POLK: variants seen among roughly 807,000 people sequenced by gnomAD.
POLK encodes DNA polymerase kappa.
In POLK, 76 loss-of-function variants were observed where a neutral mutation model predicts 94.0. The ratio of observed to expected loss-of-function variants is 0.81; its 90% confidence interval spans 0.67 to 0.98. The LOEUF (loss-of-function observed/expected upper bound fraction) is 0.98, where lower values mean the gene tolerates loss of function less well. Among genes scored for constraint, POLK ranks in the 50% least tolerant of loss-of-function variants. The pLI is 0.00. For synonymous variants in POLK, 349 were observed against 325.4 expected, an observed-to-expected ratio of 1.07 and a Z score of -0.78; for missense variants, 954 against 1,010.1, an observed-to-expected ratio of 0.94 and a Z score of 0.75.
the POLK span, among the ~76,000 whole-genome samples, chr5:75,607,905 T>C: frequency 1.3e-5 from 2 of 152,118 alleles, no homozygotes; most frequent in East Asian, 3.9e-4. Context: ...TAGATGAATA[T>C]ACAAAGTGGG....
intron 1 of POLK, among the ~76,000 whole-genome samples, chr5:75,514,214 G>A (rs1768217112): frequency 6.6e-6 from 1 of 152,060 alleles, no homozygotes; most frequent in South Asian, 2.1e-4. Context: ...TAGATTCATT[G>A]TTTTCTAGCA....
intron 3 of POLK, among the ~76,000 whole-genome samples, chr5:75,555,965 A>G (rs1163041038): frequency 6.6e-6 from 1 of 152,220 alleles, no homozygotes; most frequent in African/African-American, 2.4e-5. Flanking sequence ...GCTGCTGTAA[A>G]TATCCATGGC....
chr5:75,527,678 A>C (rs72633972), intron 1 of POLK, among the ~76,000 whole-genome samples: 18,951 of 151,994 alleles, frequency 0.12, 1,298 homozygotes, highest in East Asian at 0.23. Context: ...TTTTGCTTTC[A>C]CTTAAATTTT....
intron 1 of POLK, among the ~76,000 whole-genome samples, chr5:75,513,547 G>GTAGGCCACCCTTT (rs1768174789): frequency 6.6e-6 from 1 of 152,180 alleles, no homozygotes; most frequent in African/African-American, 2.4e-5. Context: ...CAAAGGGTGT[G>GTAGGCCACCCTTT]TAGGCCACCC....
intron 3 of POLK, among the ~76,000 whole-genome samples, chr5:75,565,375 A>T (rs967628279): frequency 2.0e-5 from 3 of 152,174 alleles, no homozygotes; most frequent in Admixed American, 2.0e-4. Context: ...TCTGAAGCCT[A>T]CTTCTGTCAA....
chr5:75,511,670 C>T, upstream of POLK: 1 of 1,522,630 alleles, frequency 6.6e-7, no homozygotes, highest in Non-Finnish European at 8.8e-7. Context: ...CTTCGTCCTC[C>T]CATTCTCCCC....
intron 1 of POLK, among the ~76,000 whole-genome samples, chr5:75,518,996 C>T (rs962482516): frequency 3.9e-5 from 6 of 152,120 alleles, no homozygotes; most frequent in Admixed American, 6.5e-5. Context: ...AGGCATAACA[C>T]CACCAAGCCC....
At chr5:75,570,770 T>A (rs1186310540) in intron 4 of POLK, among the ~76,000 whole-genome samples, 1 of 152,188 alleles carries the variant, frequency 6.6e-6, no homozygotes, top group African/African-American at 2.4e-5. Context: ...AGAAGAGTTC[T>A]TCCCTGTTCC....
At chr5:75,539,291 C>A in intron 1 of POLK, among the ~76,000 whole-genome samples, 1 of 151,002 alleles carries the variant, frequency 6.6e-6, no homozygotes, top group African/African-American at 2.4e-5. Context: ...AGTCCCGAAG[C>A]AGTATTTTTG....
At chr5:75,569,228 G>A (rs1295746531) in intron 3 of POLK, 112 bp from the exon 4 acceptor site, 5 of 675,336 alleles carry the variant, frequency 7.4e-6, no homozygotes, top group Non-Finnish European at 1.2e-5. Flanking sequence ...TGGATGAATG[G>A]GTGTGTGGAC....
At chr5:75,584,524 C>T (rs540730570) in intron 8 of POLK, among the ~76,000 whole-genome samples, 9 of 152,002 alleles carry the variant, frequency 5.9e-5, no homozygotes, top group African/African-American at 1.2e-4. Context: ...CAAAATTAGC[C>T]GGGTATGGTG....
intron 1 of POLK, among the ~76,000 whole-genome samples, chr5:75,519,940 G>A (rs536186020): frequency 7.2e-5 from 11 of 152,172 alleles, no homozygotes; most frequent in Admixed American, 2.0e-4. Context: ...TGGTTGTTTT[G>A]TACTCCTCTC....
chr5:75,585,031 C>T, intron 9 of POLK, 105 bp downstream of exon 9: 1 of 743,302 alleles, frequency 1.3e-6, no homozygotes, highest in African/African-American at 1.8e-5. Context: ...AAAATTCTTT[C>T]AGGCTAGTTT....
intron 8 of POLK, among the ~76,000 whole-genome samples, chr5:75,583,840 G>A (rs1338162980): frequency 6.6e-6 from 1 of 151,944 alleles, no homozygotes; most frequent in Non-Finnish European, 1.5e-5. Flanking sequence ...TTTTAAAATG[G>A]TAAAATTATC....
intron 1 of POLK, among the ~76,000 whole-genome samples, chr5:75,539,845 C>A (rs1561349538): frequency 6.6e-6 from 1 of 152,114 alleles, no homozygotes; most frequent in Non-Finnish European, 1.5e-5. Flanking sequence ...CCCATTTATT[C>A]TTTTAAATTA....
chr5:75,549,099 A>G (rs912515548), intron 2 of POLK, among the ~76,000 whole-genome samples: 3 of 152,148 alleles, frequency 2.0e-5, no homozygotes, highest in Non-Finnish European at 4.4e-5. Flanking sequence ...ATAGTTTTAT[A>G]TGTGTTTATT....
upstream of POLK, chr5:75,511,601 C>T (rs747222797): frequency 2.1e-5 from 31 of 1,467,254 alleles, no homozygotes; most frequent in Non-Finnish European, 2.7e-5. Flanking sequence ...TCCGCTACCG[C>T]CGCCATCTTC....
chr5:75,510,793 C>G (rs1767921928), upstream of POLK, among the ~76,000 whole-genome samples: 1 of 152,164 alleles, frequency 6.6e-6, no homozygotes. Context: ...CGTTCGGACA[C>G]CGCTGAAGCC....
At chr5:75,521,318 A>G in intron 1 of POLK, among the ~76,000 whole-genome samples, 1 of 151,964 alleles carries the variant, frequency 6.6e-6, no homozygotes, top group Non-Finnish European at 1.5e-5. Flanking sequence ...TATGTGTTTT[A>G]AAATAGCCTG....
Sources: allele counts gnomAD v4.1 joint callset (sites outside exome capture counted in the v4.1 genomes callset), GRCh38; gene constraint gnomAD v4.1.1; transcripts MANE v1.5; gene names NCBI Gene and HGNC (gene_info 2026-07-23, HGNC 2026-07-21).